Variants in MAGI2 observed in about 807,000 individuals in gnomAD.
MAGI2 encodes membrane-associated guanylate kinase, WW and PDZ domain-containing protein 2.
In MAGI2, 35 loss-of-function variants were observed where a neutral mutation model predicts 133.3. That is an observed-to-expected ratio of 0.26 (90% confidence interval 0.20 to 0.35). MAGI2 has a LOEUF of 0.35. Among genes scored for constraint, MAGI2 ranks in the 10% least tolerant of loss-of-function variants. The pLI is 1.00. For missense variants in MAGI2, 1,636 were observed against 1,863.4 expected (o/e 0.88, Z 2.25); for synonymous variants, 729 against 710.6 (o/e 1.03, Z -0.41).
intron 1 of MAGI2, among the ~76,000 whole-genome samples, chr7:79,109,566 A>G (rs1247857427): frequency 6.6e-6 from 1 of 152,236 alleles, no homozygotes; most frequent in Admixed American, 6.5e-5. Flanking sequence ...TATATAACTT[A>G]AAGTTGGAAT....
At chr7:78,985,258 A>G (rs1426405213) in intron 2 of MAGI2, among the ~76,000 whole-genome samples, 2 of 152,110 alleles carry the variant, frequency 1.3e-5, no homozygotes, top group African/African-American at 4.8e-5. Context: ...TACTTTTGAA[A>G]TCACACTATA....
intron 1 of MAGI2, among the ~76,000 whole-genome samples, chr7:79,038,283 G>T (rs1811302499): frequency 6.6e-6 from 1 of 152,166 alleles, no homozygotes; most frequent in Admixed American, 6.5e-5. Flanking sequence ...GACAGAGATG[G>T]TTCACCAGTT....
At chr7:78,365,316 C>T (rs1793265949) in intron 7 of MAGI2, among the ~76,000 whole-genome samples, 1 of 152,080 alleles carries the variant, frequency 6.6e-6, no homozygotes, top group South Asian at 2.1e-4. Context: ...AGGAGATGTT[C>T]TTGAGGAATC....
intron 10 of MAGI2, among the ~76,000 whole-genome samples, chr7:78,208,730 T>C (rs1290377609): frequency 6.6e-6 from 1 of 151,938 alleles, no homozygotes. Flanking sequence ...TAGAAAGATT[T>C]TAAAGTAATT....
chr7:78,888,509 C>T (rs779012343), intron 2 of MAGI2, among the ~76,000 whole-genome samples: 5 of 152,138 alleles, frequency 3.3e-5, no homozygotes, highest in African/African-American at 7.2e-5. Context: ...CTCACATGGC[C>T]GGGTACTCCT....
At chr7:78,922,156 ATTTTTTAT>A (rs1563666693) in intron 2 of MAGI2, among the ~76,000 whole-genome samples, 1 of 96,286 alleles carries the variant, frequency 1.0e-5, no homozygotes. Context: ...TTTATTTTTT[ATTTTTTAT>A]TTTTTTTTTT....
intron 9 of MAGI2, among the ~76,000 whole-genome samples, chr7:78,329,943 T>C (rs768432253): frequency 2.0e-5 from 3 of 152,136 alleles, no homozygotes; most frequent in Non-Finnish European, 2.9e-5. Context: ...CTCTATGAAG[T>C]CTAAAATGAT....
At chr7:79,006,904 C>T in intron 2 of MAGI2, 186 bp downstream of exon 2, 1 of 451,530 alleles carries the variant, frequency 2.2e-6, no homozygotes, top group East Asian at 3.5e-5. Context: ...GCTACAACTT[C>T]ATCATAAACC....
chr7:78,538,605 A>T (rs1400685130), intron 3 of MAGI2, among the ~76,000 whole-genome samples: 1 of 152,128 alleles, frequency 6.6e-6, no homozygotes, highest in African/African-American at 2.4e-5. Flanking sequence ...TGTTGTAGCT[A>T]TTGTAAAAGG....
intron 2 of MAGI2, among the ~76,000 whole-genome samples, chr7:78,841,829 G>A (rs566852855): frequency 2.0e-5 from 3 of 151,898 alleles, no homozygotes; most frequent in African/African-American, 7.2e-5. Context: ...CCATCCTTTA[G>A]GTCACAGCTT....
chr7:79,429,713 G>A (rs1052862147), intron 1 of MAGI2, among the ~76,000 whole-genome samples: 1 of 152,012 alleles, frequency 6.6e-6, no homozygotes, highest in Admixed American at 6.6e-5. Flanking sequence ...AAGCAAAAAA[G>A]GTAAAAATAA....
chr7:79,068,681 A>T (rs180987860), intron 1 of MAGI2, among the ~76,000 whole-genome samples: 7 of 152,224 alleles, frequency 4.6e-5, no homozygotes, highest in African/African-American at 1.7e-4. Context: ...TTGTGATGGT[A>T]GGGTGTCGAT....
At chr7:78,824,436 CT>C (rs1433316457) in intron 2 of MAGI2, among the ~76,000 whole-genome samples, 1 of 152,198 alleles carries the variant, frequency 6.6e-6, no homozygotes, top group East Asian at 1.9e-4. Context: ...TCACCAACAT[CT>C]GTTCTTTCCT....
intron 1 of MAGI2, among the ~76,000 whole-genome samples, chr7:79,430,111 G>A (rs1005551508): frequency 6.6e-6 from 1 of 152,034 alleles, no homozygotes; most frequent in African/African-American, 2.4e-5. Context: ...GAATACATAT[G>A]CAATTGACAT....
chr7:78,428,816 C>T (rs538096919), intron 6 of MAGI2, among the ~76,000 whole-genome samples: 70 of 152,280 alleles, frequency 4.6e-4, no homozygotes, highest in Middle Eastern at 3.4e-3. Context: ...TGCTATAGGT[C>T]GCTGCCTATC....
intron 10 of MAGI2, among the ~76,000 whole-genome samples, chr7:78,227,882 G>T (rs549570515): frequency 4.8e-5 from 7 of 146,760 alleles, no homozygotes; most frequent in African/African-American, 1.8e-4. Flanking sequence ...GTGTGTGTGT[G>T]TTTTAAACCC....
intron 2 of MAGI2, among the ~76,000 whole-genome samples, chr7:78,998,599 T>C (rs899761294): frequency 1.3e-5 from 2 of 152,210 alleles, no homozygotes; most frequent in Non-Finnish European, 2.9e-5. Context: ...AATGCTATAC[T>C]GCAATGTGTA....
intron 2 of MAGI2, among the ~76,000 whole-genome samples, chr7:78,798,468 T>G (rs1403205682): frequency 2.0e-5 from 3 of 152,206 alleles, no homozygotes; most frequent in Admixed American, 2.0e-4. Flanking sequence ...TGGTCATGCC[T>G]GCACCCATGG....
chr7:78,184,875 C>T (rs1205761244), intron 13 of MAGI2, among the ~76,000 whole-genome samples: 1 of 152,088 alleles, frequency 6.6e-6, no homozygotes, highest in Non-Finnish European at 1.5e-5. Context: ...TTATAATTGG[C>T]ATGGTTTAAA....
Sources: gnomAD v4.1 joint callset for allele counts (sites outside exome capture counted in the v4.1 genomes callset) on GRCh38, gnomAD v4.1.1 for gene constraint, MANE v1.5 for transcripts, NCBI Gene and HGNC (gene_info 2026-07-23, HGNC 2026-07-21) for gene names.